The following LYL1 variants were observed in gnomAD, a reference collection of about 807,000 sequenced individuals.
The protein encoded by LYL1 is protein lyl-1.
LYL1 carries 4 observed loss-of-function variants against 11.1 expected under a neutral mutation model. The observed-to-expected ratio is 0.36, with a 90% CI of 0.18 to 0.82. The LOEUF is 0.82. LYL1 is among the 40% of genes least tolerant of loss of function. The pLI is 0.49. For missense variants in LYL1, 356 were observed against 397.6 expected (o/e 0.90, Z 0.89); for synonymous variants, 179 against 174.8 (o/e 1.02, Z -0.19).
rs1420757047 is a variant in LYL1, at chr19:13,101,570, C to A, written c.-24-375G>T. 1.2e-5 allele frequency: 3 copies of A among 247,772 alleles called. No individual in the cohort carries two copies. The highest frequency in any genetic ancestry group is 2.3e-5 in the Non-Finnish European group (3 of 129,050). The allele number at this position is 247,772 out of a possible 1,614,324, so 15.3% of individuals were successfully genotyped here. The stretch of plus-strand genomic sequence containing the variant: ...TAACTGATCCTGGGATCCCCAGAAA[C>A]CCCAAGATTAACCCTGTTATCCTCA... On this transcript the variant is annotated intron_variant, in intron 1 of 3. Coordinates refer to ENST00000264824, the MANE Select transcript of LYL1 (RefSeq NM_005583.5). The surrounding 1 kb of genome is among the most constrained non-coding windows in gnomAD (Gnocchi z 5.1).
Position 13,101,179 on chromosome 19 carries a change from G to A in LYL1, c.-8C>T, listed in dbSNP as rs1409290004. 3 of 1,423,852 alleles carry A rather than the reference G, an allele frequency of 2.1e-6. No individual in the cohort carries two copies. The highest frequency in any genetic ancestry group is 1.6e-5 in the South Asian group (1 of 62,186). The allele number at this position is 1,423,852 out of a possible 1,614,324, so 88.2% of individuals were successfully genotyped here. A position where few individuals can be genotyped will look rare whatever the true frequency, so the allele number is the denominator to read the frequency against. On this transcript the variant is annotated 5_prime_UTR_variant, in exon 2 of 4. Coordinates refer to ENST00000264824, the MANE Select transcript of LYL1 (RefSeq NM_005583.5). The surrounding 1 kb of genome is among the most constrained non-coding windows in gnomAD (Gnocchi z 5.1). ...TGCCTGAGGCGGGCACATGGACCCCGACGTGGGGGTACTCACCTGTGGGAA... is the reference window on the plus strand; with the variant it reads ...TGCCTGAGGCGGGCACATGGACCCCAACGTGGGGGTACTCACCTGTGGGAA...
Position 13,101,103 on chromosome 19 carries a change from G to A in LYL1, c.69C>T (p.Ala23=). The A allele has an allele frequency of 6.7e-7, 1 of 1,490,444 alleles. No homozygotes were observed. 92.3% of individuals were successfully genotyped at this position (1,490,444 alleles called of 1,614,324 possible). A position where few individuals can be genotyped will look rare whatever the true frequency, so the allele number is the denominator to read the frequency against. The part of the protein sequence containing the change: ...TMTEKAEMVC[A]PSPAPAPPPK... ...GGGGTGGGGCAGGCGCTGGGCTGGG[G>A]GCACACACCATCTCTGCCTTCTCAG... is the stretch of plus-strand genomic sequence containing the variant. Residue 23 remains alanine, a synonymous_variant, in exon 2 of 4, where the codon GCC becomes GCT. Transcript: ENST00000264824. This position sits in a 1 kb window ranked among gnomAD's most constrained non-coding sequence, Gnocchi z 5.1.
rs763978229 is a variant in LYL1, at chr19:13,100,702, G to C, written c.382C>G (p.Arg128Gly). Residue 128 changes from arginine to glycine, a missense_variant, in exon 3 of 4, where the codon CGG (arginine) becomes GGG (glycine). Coordinates refer to ENST00000264824, the MANE Select transcript of LYL1 (RefSeq NM_005583.5). Reference sequence around the variant, plus strand: ...CAGTGGCTTGGTCTCCGCTTCAACCGGCTGCTAGGGAAGATGCTAAAAGGT... The same window carrying C: ...CAGTGGCTTGGTCTCCGCTTCAACCCGCTGCTAGGGAAGATGCTAAAAGGT... ...AGPFSIFPSSRLKRRPSHCEL... is the reference protein window; with the variant it reads ...AGPFSIFPSSGLKRRPSHCEL... 3 of 1,614,084 alleles carry C rather than the reference G, an allele frequency of 1.9e-6. No individual in the cohort carries two copies. The highest frequency in any genetic ancestry group is 2.5e-6 in the Non-Finnish European group (3 of 1,180,036).
chr19:13,101,081 G>A lies in LYL1; in HGVS notation c.91C>T (p.Pro31Ser), dbSNP rs778541539. Residue 31 changes from proline (P) to serine (S), a missense_variant, in exon 2 of 4, where the codon CCC becomes TCC. Transcript: ENST00000264824. This position sits in a 1 kb window ranked among gnomAD's most constrained non-coding sequence, Gnocchi z 5.1. Reference protein sequence around the residue: ...VCAPSPAPAPPPKPASPGPPQ... With the variant: ...VCAPSPAPAPSPKPASPGPPQ... ...GGCCCAGGCGAGGCAGGCTTAGGGGGTGGGGCAGGCGCTGGGCTGGGGGCA... is the reference window on the plus strand; with the variant it reads ...GGCCCAGGCGAGGCAGGCTTAGGGGATGGGGCAGGCGCTGGGCTGGGGGCA... 7.4e-6 allele frequency: 11 copies of A among 1,487,046 alleles called. No individual in the cohort carries two copies. The African/African-American group carries it at 1.1e-4, about 15-fold the overall frequency. 92.1% of individuals were successfully genotyped at this position (1,487,046 alleles called of 1,614,324 possible).
Position 13,099,555 on chromosome 19 carries a change from C to G in LYL1, c.607G>C (p.Val203Leu), listed in dbSNP as rs748027791. 4 of 1,520,932 alleles carry G rather than the reference C, an allele frequency of 2.6e-6. No individual in the cohort carries two copies. The African/African-American group carries it at 5.6e-5, about 21-fold the overall frequency. 94.2% of individuals were successfully genotyped at this position (1,520,932 alleles called of 1,614,324 possible). The change falls in exon 4 of 4, where the codon GTG becomes CTG. Residue 203 changes from valine to leucine, a missense_variant. Physicochemically the swap from Val to Leu is conservative, Grantham distance 32. Coordinates refer to ENST00000264824, the MANE Select transcript of LYL1 (RefSeq NM_005583.5). The surrounding 1 kb of genome is among the most constrained non-coding windows in gnomAD (Gnocchi z 5.3). Reference sequence around the variant, plus strand: ...GCGGCTTGGTCGCGCAGCAGCCGCACCAGGAAGCCGATGTACTTCATGGCT... The same window carrying G: ...GCGGCTTGGTCGCGCAGCAGCCGCAGCAGGAAGCCGATGTACTTCATGGCT... ...RLAMKYIGFL[V>L]RLLRDQAAAL...
Position 13,100,654 on chromosome 19 carries a change from C to T in LYL1, c.427+3G>A, listed in dbSNP as rs746009179. On this transcript the variant is annotated splice_donor_region_variant and intron_variant, in intron 3 of 3. Transcript: ENST00000264824. ...CCCACAAGGCACACAAACCCACACTCACCCTCAGCCAGGTCCAGCTCACAG... is the reference window on the plus strand; with the variant it reads ...CCCACAAGGCACACAAACCCACACTTACCCTCAGCCAGGTCCAGCTCACAG... 4.3e-6 allele frequency: 7 copies of T among 1,614,174 alleles called. No individual in the cohort carries two copies. In the South Asian group the frequency reaches 5.5e-5, roughly 13 times the overall value.
rs764263445 is a variant in LYL1 at position 13,101,053 on chromosome 19, G to A, written c.119C>T (p.Pro40Leu). ...PPPKPASPGP[P>L]QVEEVGHRGG... ...TCGGTGGCCCACCTCCTCCACCTGC[G>A]GGGGCCCAGGCGAGGCAGGCTTAGG... The change falls in exon 2 of 4, where the codon CCG becomes CTG. Residue 40 changes from proline (P) to leucine (L), a missense_variant. Coordinates refer to ENST00000264824, the MANE Select transcript of LYL1 (RefSeq NM_005583.5). The surrounding 1 kb of genome is among the most constrained non-coding windows in gnomAD (Gnocchi z 5.1). The A allele has an allele frequency of 3.0e-5, 45 of 1,488,526 alleles. No individual in the cohort carries two copies. The highest frequency in any genetic ancestry group is 9.8e-5 in the South Asian group (7 of 71,322). 92.2% of individuals were successfully genotyped at this position (1,488,526 alleles called of 1,614,324 possible).
Position 13,099,211 on chromosome 19 carries a change from TC to T in LYL1, c.*107del. 5 of 1,062,964 alleles carry T rather than the reference TC, an allele frequency of 4.7e-6. No homozygotes were observed. Among genetic ancestry groups the T allele is most frequent in the Non-Finnish European group, 4.8e-6 (4 of 836,504 alleles). The allele number at this position is 1,062,964 out of a possible 1,614,324, so 65.8% of individuals were successfully genotyped here. On this transcript the variant is annotated 3_prime_UTR_variant, in exon 4 of 4. Transcript: ENST00000264824. The surrounding 1 kb of genome is among the most constrained non-coding windows in gnomAD (Gnocchi z 5.3). ...CCCTGACGTCTTCACTGGTCCTTCT[TC>T]GGGGGAGTTCGCTCCCGAACATGCG...
rs142613662 is a variant in LYL1, at chr19:13,100,756, G to A, written c.336-8C>T. The A allele has an allele frequency of 0.014, 23,365 of 1,613,932 alleles. 201 individuals carry two copies. The highest frequency in any genetic ancestry group is 0.017 in the South Asian group (1,558 of 91,088). On this transcript the variant is annotated splice_region_variant and splice_polypyrimidine_tract_variant and intron_variant, in intron 2 of 3. Coordinates refer to ENST00000264824, the MANE Select transcript of LYL1 (RefSeq NM_005583.5). The stretch of plus-strand genomic sequence containing the variant: ...GCTGGCCCAATGTAGACACTGTAAG[G>A]GGTCGTGGGTCACTAATGCCTTGTG...
chr19:13,100,602 C>G, intron 3 of LYL1, 55 bp downstream of exon 3: 1 of 1,513,330 alleles, frequency 6.6e-7, no homozygotes, highest in Non-Finnish European at 9.2e-7. Flanking sequence ...TTCTGTGCAC[C>G]CACAAGTGCA....
Position 13,101,270 on chromosome 19 carries a change from T to A in LYL1, c.-24-75A>T. ...CCACCTGCTTAGCTCAAGAAACCCC[T>A]CAAATGGGAAGGAGGGAGGGGGAGG... On this transcript the variant is annotated intron_variant, in intron 1 of 3. Coordinates refer to ENST00000264824, the MANE Select transcript of LYL1 (RefSeq NM_005583.5). This position sits in a 1 kb window ranked among gnomAD's most constrained non-coding sequence, Gnocchi z 5.1. 1 of 409,060 alleles carries A rather than the reference T, an allele frequency of 2.4e-6. No homozygotes were observed. The highest frequency in any genetic ancestry group is 5.1e-5 in the Admixed American group (1 of 19,634). 25.3% of individuals were successfully genotyped at this position (409,060 alleles called of 1,614,324 possible).
At chr19:13,100,452 G>A (rs906935370) in intron 3 of LYL1, among the ~76,000 whole-genome samples, 2 of 152,228 alleles carry the variant, frequency 1.3e-5, no homozygotes, top group Admixed American at 1.3e-4. Flanking sequence ...GGTGGCGGTG[G>A]TTGTGTGGGG....
rs995294708 is a variant in LYL1, at chr19:13,100,817, C to G, written c.335+20G>C. The G allele has an allele frequency of 1.9e-6, 3 of 1,591,782 alleles. No homozygotes were observed. The highest frequency in any genetic ancestry group is 2.7e-5 in the African/African-American group (2 of 74,510). The stretch of plus-strand genomic sequence containing the variant: ...CTGGCCCCCAATCCCCACTGCCCCC[C>G]ACCCCAGATCCCCACTGACCTGTTG... On this transcript the variant is annotated intron_variant, in intron 2 of 3. Coordinates refer to ENST00000264824, the MANE Select transcript of LYL1 (RefSeq NM_005583.5).
rs771400791 is a variant in LYL1 at position 13,100,880 on chromosome 19, G to A, written c.292C>T (p.Pro98Ser). Residue 98 changes from proline (P) to serine (S), a missense_variant, in exon 2 of 4, where the codon CCC (proline) becomes TCC (serine). Physicochemically the swap from Pro to Ser is moderately conservative, Grantham distance 74 (BLOSUM62 -1). Transcript: ENST00000264824. ...LQLSTLGTAPPTLALHYHPHP... is the reference protein window; with the variant it reads ...LQLSTLGTAPSTLALHYHPHP... ...GGGTGGTAGTGCAGGGCCAAAGTGGGCGGGGCAGTTCCCAGGGTGGAGAGT... is the reference window on the plus strand; with the variant it reads ...GGGTGGTAGTGCAGGGCCAAAGTGGACGGGGCAGTTCCCAGGGTGGAGAGT... 7 of 1,568,172 alleles carry A rather than the reference G, an allele frequency of 4.5e-6. No homozygotes were observed. The highest frequency in any genetic ancestry group is 6.1e-6 in the Non-Finnish European group (7 of 1,156,652).
In LYL1 at chr19:13,101,704, C is replaced by T. The variant is rs1472387679; in HGVS notation, c.-24-509G>A. Reference sequence around the variant, plus strand: ...CTTCACGGAAGGCCCCCAGCCCCCACCCAGGCTGACCCTCTGCACCTCAAG... The same window carrying T: ...CTTCACGGAAGGCCCCCAGCCCCCATCCAGGCTGACCCTCTGCACCTCAAG... On this transcript the variant is annotated intron_variant, in intron 1 of 3. Coordinates refer to ENST00000264824, the MANE Select transcript of LYL1 (RefSeq NM_005583.5). The surrounding 1 kb of genome is among the most constrained non-coding windows in gnomAD (Gnocchi z 5.1). 1 of 226,194 alleles carries T rather than the reference C, an allele frequency of 4.4e-6. No individual in the cohort carries two copies. The highest frequency in any genetic ancestry group is 8.8e-6 in the Non-Finnish European group (1 of 113,540). 14.0% of individuals were successfully genotyped at this position (226,194 alleles called of 1,614,324 possible).
chr19:13,100,574 C>G, intron 3 of LYL1, 83 bp downstream of exon 3: 2 of 1,294,554 alleles, frequency 1.5e-6, no homozygotes, highest in Non-Finnish European at 1.1e-6. Context: ...ATGAGCCCCA[C>G]ACAGAGACGG....
Position 13,101,093 on chromosome 19 carries a change from C to G in LYL1, c.79G>C (p.Ala27Pro). The change falls in exon 2 of 4, where the codon GCG becomes CCG. Residue 27 changes from alanine (A) to proline (P), a missense_variant. By Grantham distance (27) the Ala-to-Pro change is conservative. Transcript: ENST00000264824. This position sits in a 1 kb window ranked among gnomAD's most constrained non-coding sequence, Gnocchi z 5.1. ...KAEMVCAPSP[A>P]PAPPPKPASP... ...GCAGGCTTAGGGGGTGGGGCAGGCG[C>G]TGGGCTGGGGGCACACACCATCTCT... The G allele has an allele frequency of 5.4e-6, 8 of 1,489,292 alleles. No individual in the cohort carries two copies. The highest frequency in any genetic ancestry group is 7.1e-6 in the Non-Finnish European group (8 of 1,121,596). 92.3% of individuals were successfully genotyped at this position (1,489,292 alleles called of 1,614,324 possible).
In LYL1 at chr19:13,099,603, T is replaced by A; in HGVS notation, c.559A>T (p.Ser187Cys). 2.6e-6 allele frequency: 4 copies of A among 1,557,364 alleles called. No individual in the cohort carries two copies. Among genetic ancestry groups the A allele is most frequent in the Non-Finnish European group, 3.5e-6 (4 of 1,151,290 alleles). ...LPTHPPDRKL[S>C]KNEVLRLAMK... ...GCTAGGCGGAGCACCTCGTTCTTGC[T>A]CAGCTTCCGGTCGGGCGGGTGCGTC... The change falls in exon 4 of 4, where the codon AGC (serine) becomes TGC (cysteine). Residue 187 changes from serine (S) to cysteine (C), a missense_variant. Coordinates refer to ENST00000264824, the MANE Select transcript of LYL1 (RefSeq NM_005583.5). The surrounding 1 kb of genome is among the most constrained non-coding windows in gnomAD (Gnocchi z 5.3).
At position 13,101,238 on chromosome 19, in the gene LYL1, C is replaced by T; in HGVS notation, c.-24-43G>A. On this transcript the variant is annotated intron_variant, in intron 1 of 3. Transcript: ENST00000264824. This position sits in a 1 kb window ranked among gnomAD's most constrained non-coding sequence, Gnocchi z 5.1. ...GCCAGTGGGGAGGAGGACTAGGTGC[C>T]CCGCTCCCACCTGCTTAGCTCAAGA... is the stretch of plus-strand genomic sequence containing the variant. The T allele has an allele frequency of 3.8e-6, 3 of 794,258 alleles. No individual in the cohort carries two copies. Among genetic ancestry groups the T allele is most frequent in the Non-Finnish European group, 5.5e-6 (3 of 545,274 alleles). The allele number at this position is 794,258 out of a possible 1,614,324, so 49.2% of individuals were successfully genotyped here. A position where few individuals can be genotyped will look rare whatever the true frequency, so the allele number is the denominator to read the frequency against.
Sources: allele counts gnomAD v4.1 joint callset (sites outside exome capture counted in the v4.1 genomes callset), GRCh38; gene constraint gnomAD v4.1.1; non-coding constraint Gnocchi (gnomAD v3.1); transcripts MANE v1.5; gene names NCBI Gene and HGNC (gene_info 2026-07-23, HGNC 2026-07-21).